Variants in CEP41 observed in about 807,000 individuals in gnomAD.
CEP41 encodes centrosomal protein of 41 kDa.
In CEP41, 32 loss-of-function variants were observed where a neutral mutation model predicts 44.3. The observed-to-expected ratio is 0.72, with a 90% confidence interval of 0.54 to 0.97. CEP41 has a LOEUF of 0.97. CEP41 is among the 50% of genes least tolerant of loss of function. The pLI is 0.00. For missense variants in CEP41, 432 were observed against 455.2 expected (o/e 0.95, Z 0.46); for synonymous variants, 151 against 168.5 (o/e 0.90, Z 0.80).
intron 6 of CEP41, 105 bp from the exon 7 acceptor site, chr7:130,402,904 A>C: frequency 8.3e-7 from 1 of 1,203,324 alleles, no homozygotes; most frequent in South Asian, 1.2e-5. Context: ...TGTCTTTTCA[A>C]AGGACGCTTC....
At chr7:130,421,518 A>G (rs1797507984) in intron 2 of CEP41, 5 of 984,514 alleles carry the variant, frequency 5.1e-6, no homozygotes, top group Non-Finnish European at 6.0e-6. Flanking sequence ...ATTAAACAAC[A>G]AATAAAAATG....
intron 5 of CEP41, among the ~76,000 whole-genome samples, chr7:130,408,526 G>A (rs1012085856): frequency 3.9e-5 from 6 of 152,092 alleles, no homozygotes; most frequent in South Asian, 4.1e-4. Context: ...ATAAAAAACT[G>A]TTAGATACTA....
chr7:130,413,090 C>G (rs553091541), intron 3 of CEP41, among the ~76,000 whole-genome samples: 2 of 152,238 alleles, frequency 1.3e-5, no homozygotes, highest in Admixed American at 1.3e-4. Context: ...CTCTCAGGTT[C>G]GAGGGATTCT....
chr7:130,437,130 G>A (rs1797990154), intron 1 of CEP41, among the ~76,000 whole-genome samples: 1 of 152,086 alleles, frequency 6.6e-6, no homozygotes, highest in South Asian at 2.1e-4. Context: ...CTCCCAAAGG[G>A]AGCAGAAAGA....
intron 6 of CEP41, 100 bp from the exon 7 acceptor site, chr7:130,402,899 TTTCAAAGGACGC>T: frequency 8.0e-7 from 1 of 1,249,084 alleles, no homozygotes; most frequent in Non-Finnish European, 1.2e-6. Flanking sequence ...CTCAATGTCT[TTTCAAAGGACGC>T]TTCAAAGGCA....
At chr7:130,421,766 G>C in intron 2 of CEP41, 2 of 1,238,544 alleles carry the variant, frequency 1.6e-6, no homozygotes, top group Non-Finnish European at 2.0e-6. Context: ...ATAGAAATGG[G>C]AGGACAATGC....
intron 2 of CEP41, chr7:130,420,799 A>C (rs1554422050): frequency 1.6e-6 from 1 of 634,334 alleles, no homozygotes; most frequent in Non-Finnish European, 2.0e-6. Flanking sequence ...ATAAATAGGA[A>C]AAATACACAT....
rs1554413420 is a variant in CEP41 at position 130,393,978 on chromosome 7, A to T, written c.*4913T>A. The T allele has an allele frequency of 2.2e-6, 1 of 454,104 alleles. No individual in the cohort carries two copies. Among genetic ancestry groups the T allele is most frequent in the East Asian group, 6.9e-5 (1 of 14,394 alleles). 28.1% of individuals were successfully genotyped at this position (454,104 alleles called of 1,614,324 possible). A position where few individuals can be genotyped will look rare whatever the true frequency, so the allele number is the denominator to read the frequency against. ...GCAGACACAGGCGGTGGAAATGTGG[A>T]AATACGCATTCCCCAGAGCAGATGT... On this transcript the variant is annotated 3_prime_UTR_variant, in exon 11 of 11. Coordinates refer to ENST00000223208, the MANE Select transcript of CEP41 (RefSeq NM_018718.3).
chr7:130,400,577 CT>C, intron 9 of CEP41, 129 bp downstream of exon 9: 1 of 736,318 alleles, frequency 1.4e-6, no homozygotes, highest in Middle Eastern at 3.6e-4. Flanking sequence ...CTCCTGACTC[CT>C]TTCAGCCAGC....
intron 1 of CEP41, among the ~76,000 whole-genome samples, chr7:130,431,053 A>T (rs1797808093): frequency 6.6e-6 from 1 of 152,176 alleles, no homozygotes; most frequent in South Asian, 2.1e-4. Context: ...AGAGAAAAAA[A>T]TGTAGTTTCT....
chr7:130,393,914 C>A lies in CEP41; in HGVS notation c.*4977G>T, dbSNP rs782763489. 2.2e-6 allele frequency: 1 copy of A among 453,932 alleles called. No homozygotes were observed. The highest frequency in any genetic ancestry group is 1.6e-5 in the South Asian group (1 of 64,476). The allele number at this position is 453,932 out of a possible 1,614,324, so 28.1% of individuals were successfully genotyped here. A position where few individuals can be genotyped will look rare whatever the true frequency, so the allele number is the denominator to read the frequency against. The stretch of plus-strand genomic sequence containing the variant: ...AGGTGTCCATTAACAGACAAAATAA[C>A]CTCGGAAGCCCTGGAGCACCTGTCT... On this transcript the variant is annotated 3_prime_UTR_variant, in exon 11 of 11. Transcript: ENST00000223208.
chr7:130,404,167 A>C (rs1315273438), intron 6 of CEP41, among the ~76,000 whole-genome samples: 1 of 152,238 alleles, frequency 6.6e-6, no homozygotes, highest in Non-Finnish European at 1.5e-5. Context: ...ACTCAGTATC[A>C]GAGCACTATG....
chr7:130,426,799 T>C, intron 2 of CEP41: 1 of 364,544 alleles, frequency 2.7e-6, no homozygotes, highest in Non-Finnish European at 5.3e-6. Flanking sequence ...AGATCTCCAA[T>C]ATTGACTTCC....
At chr7:130,419,052 A>G in intron 2 of CEP41, 1 of 985,412 alleles carries the variant, frequency 1.0e-6, no homozygotes, top group Non-Finnish European at 1.2e-6. Context: ...CAAACATTTC[A>G]GGGTAATTAC....
intron 1 of CEP41, among the ~76,000 whole-genome samples, chr7:130,430,680 T>A (rs1189676745): frequency 6.6e-6 from 1 of 152,226 alleles, no homozygotes; most frequent in African/African-American, 2.4e-5. Context: ...AGTATGTGCC[T>A]GGTAAATTGA....
chr7:130,397,359 T>G lies in CEP41; in HGVS notation c.*1532A>C. ...TCTAAAGCATCGGAAAATGTTGCAC[T>G]TTGGAAATCAAGTAGAGAAGAATAA... is the stretch of plus-strand genomic sequence containing the variant. On this transcript the variant is annotated 3_prime_UTR_variant, in exon 11 of 11. Coordinates refer to ENST00000223208, the MANE Select transcript of CEP41 (RefSeq NM_018718.3). 1 of 454,402 alleles carries G rather than the reference T, an allele frequency of 2.2e-6. No individual in the cohort carries two copies. Among genetic ancestry groups the G allele is most frequent in the Non-Finnish European group, 4.4e-6 (1 of 226,740 alleles). The allele number at this position is 454,402 out of a possible 1,614,324, so 28.1% of individuals were successfully genotyped here.
chr7:130,437,764 CAAA>C (rs1171735164), intron 1 of CEP41, among the ~76,000 whole-genome samples: 1 of 32,424 alleles, frequency 3.1e-5, no homozygotes, highest in African/African-American at 1.2e-4. Context: ...AAGACTGTCT[CAAA>C]AAAAAAAAAA....
At chr7:130,416,642 G>A (rs118188179) in intron 3 of CEP41, among the ~76,000 whole-genome samples, 1 of 152,220 alleles carries the variant, frequency 6.6e-6, no homozygotes, top group Non-Finnish European at 1.5e-5. Flanking sequence ...AGAAGCTTAA[G>A]CAGAGCTCAT....
intron 2 of CEP41, chr7:130,419,270 G>A (rs148719841): frequency 6.2e-5 from 61 of 984,998 alleles, no homozygotes; most frequent in Non-Finnish European, 6.9e-5. Context: ...CCAAGAATGG[G>A]GAAAAAAGGA....
Sources: gnomAD v4.1 joint callset for allele counts (sites outside exome capture counted in the v4.1 genomes callset) on GRCh38, gnomAD v4.1.1 for gene constraint, MANE v1.5 for transcripts, NCBI Gene and HGNC (gene_info 2026-07-23, HGNC 2026-07-21) for gene names.